STPG2: variants seen among roughly 807,000 people sequenced by gnomAD.
The protein encoded by STPG2 is sperm tail PG-rich repeat containing 2.
A neutral mutation model predicts 54.2 loss-of-function variants in STPG2; 56 were observed. That is an observed-to-expected ratio of 1.03 (90% CI 0.83 to 1.29). STPG2 has a LOEUF of 1.29. Among genes scored for constraint, STPG2 ranks in the 50% most tolerant of loss-of-function variants. The pLI is 0.00. For missense variants in STPG2, 596 were observed against 544.9 expected (o/e 1.09, Z -0.93); for synonymous variants, 200 against 181.8 (o/e 1.10, Z -0.81).
intron 9 of STPG2, among the ~76,000 whole-genome samples, chr4:97,733,255 G>A (rs1037207787): frequency 1.3e-5 from 2 of 152,050 alleles, no homozygotes; most frequent in Non-Finnish European, 2.9e-5. Context: ...AAACTATTCA[G>A]CCACTAAAAG....
At chr4:97,622,603 A>G (rs907909894) in intron 10 of STPG2, among the ~76,000 whole-genome samples, 13 of 152,186 alleles carry the variant, frequency 8.5e-5, no homozygotes, top group Non-Finnish European at 2.9e-5. Context: ...AACACTGCAC[A>G]AAGAAATCAG....
At chr4:97,781,859 G>A (rs937671575) in intron 9 of STPG2, among the ~76,000 whole-genome samples, 4 of 152,046 alleles carry the variant, frequency 2.6e-5, no homozygotes, top group East Asian at 1.9e-4. Flanking sequence ...AGATGCAGAA[G>A]AGGCCTTTGA....
chr4:97,564,321 G>C (rs1460692800), intron 10 of STPG2, among the ~76,000 whole-genome samples: 1 of 152,112 alleles, frequency 6.6e-6, no homozygotes, highest in Non-Finnish European at 1.5e-5. Flanking sequence ...TTGAGCCTAT[G>C]TGTGTCTCTG....
intron 8 of STPG2, among the ~76,000 whole-genome samples, chr4:97,868,881 A>G (rs994434210): frequency 2.6e-5 from 4 of 151,934 alleles, no homozygotes; most frequent in Middle Eastern, 3.2e-3. Flanking sequence ...GGTCATCCTT[A>G]CATTTTTTGT....
chr4:97,670,993 A>G (rs1722678168), intron 10 of STPG2, among the ~76,000 whole-genome samples: 1 of 151,966 alleles, frequency 6.6e-6, no homozygotes, highest in Non-Finnish European at 1.5e-5. Flanking sequence ...GTCTTCTGCT[A>G]CCTCCCACCT....
chr4:97,899,241 A>G (rs1731076719), intron 8 of STPG2, among the ~76,000 whole-genome samples: 1 of 151,968 alleles, frequency 6.6e-6, no homozygotes, highest in South Asian at 2.1e-4. Flanking sequence ...AAAAGAATAA[A>G]ATAACAAGGA....
At chr4:97,952,637 C>T (rs996751517) in intron 7 of STPG2, among the ~76,000 whole-genome samples, 1 of 152,098 alleles carries the variant, frequency 6.6e-6, no homozygotes, top group Non-Finnish European at 1.5e-5. Flanking sequence ...CCTCAAGTCT[C>T]CCAGCATCAG....
intron 5 of STPG2, among the ~76,000 whole-genome samples, chr4:97,983,159 T>C (rs1226312469): frequency 6.6e-6 from 1 of 152,192 alleles, no homozygotes; most frequent in East Asian, 1.9e-4. Flanking sequence ...CCTCCTAGTC[T>C]ATTGAATGTA....
chr4:97,667,663 T>C (rs1479721687), intron 10 of STPG2, among the ~76,000 whole-genome samples: 2 of 152,178 alleles, frequency 1.3e-5, no homozygotes, highest in Admixed American at 1.3e-4. Flanking sequence ...TTACATTTAT[T>C]TGCATCATAT....
intron 3 of STPG2, among the ~76,000 whole-genome samples, chr4:98,114,741 AC>A (rs1056527368): frequency 5.5e-4 from 30 of 55,042 alleles, no homozygotes; most frequent in African/African-American, 2.2e-3. Context: ...TTAAGACCCC[AC>A]AATAATATCC....
At chr4:97,647,353 C>T (rs1721940931) in intron 10 of STPG2, among the ~76,000 whole-genome samples, 1 of 152,100 alleles carries the variant, frequency 6.6e-6, no homozygotes, top group Non-Finnish European at 1.5e-5. Context: ...CTATTAATGC[C>T]TGTGACTTGC....
intron 4 of STPG2, among the ~76,000 whole-genome samples, chr4:97,525,793 T>C (rs1456317825): frequency 1.3e-5 from 2 of 151,910 alleles, no homozygotes; most frequent in African/African-American, 4.8e-5. Context: ...AGTAAATAGA[T>C]CTCGTTGTGG....
intron 9 of STPG2, among the ~76,000 whole-genome samples, chr4:97,717,549 C>T (rs1484208215): frequency 1.3e-5 from 2 of 152,156 alleles, no homozygotes; most frequent in Non-Finnish European, 2.9e-5. Flanking sequence ...TGAAATATCT[C>T]TTCAGACAGC....
At chr4:98,076,817 T>C (rs1016111068) in intron 5 of STPG2, among the ~76,000 whole-genome samples, 11 of 152,222 alleles carry the variant, frequency 7.2e-5, no homozygotes, top group African/African-American at 2.4e-4. Context: ...TTTACATTTT[T>C]AACTAAAAAA....
At chr4:97,844,405 ATTT>A (rs1230736239) in intron 8 of STPG2, among the ~76,000 whole-genome samples, 2 of 151,900 alleles carry the variant, frequency 1.3e-5, no homozygotes, top group African/African-American at 4.8e-5. Context: ...ATCCAGACAT[ATTT>A]TTATTTCATA....
chr4:97,455,324 A>T (rs1729487751), intron 4 of STPG2, among the ~76,000 whole-genome samples: 1 of 152,002 alleles, frequency 6.6e-6, no homozygotes, highest in Non-Finnish European at 1.5e-5. Flanking sequence ...TTGTGTCCAA[A>T]TGTTGCATTT....
intron 8 of STPG2, among the ~76,000 whole-genome samples, chr4:97,878,387 C>CAG (rs1730252841): frequency 1.3e-5 from 2 of 152,182 alleles, no homozygotes; most frequent in African/African-American, 4.8e-5. Flanking sequence ...AGGGCCCCAC[C>CAG]CCTGCAGCAA....
At chr4:97,536,885 T>C (rs1322794939) in intron 4 of STPG2, among the ~76,000 whole-genome samples, 1 of 152,202 alleles carries the variant, frequency 6.6e-6, no homozygotes, top group Admixed American at 6.5e-5. Flanking sequence ...ATGAAGGGTG[T>C]CCTTATTCAA....
intron 10 of STPG2, among the ~76,000 whole-genome samples, chr4:97,628,366 G>T (rs1265839227): frequency 6.6e-6 from 1 of 152,084 alleles, no homozygotes; most frequent in Non-Finnish European, 1.5e-5. Flanking sequence ...ATAAAGCTGT[G>T]CCAGAGTGAA....
Sources: allele counts gnomAD v4.1 joint callset (sites outside exome capture counted in the v4.1 genomes callset), GRCh38; gene constraint gnomAD v4.1.1; transcripts MANE v1.5; gene names NCBI Gene and HGNC (gene_info 2026-07-23, HGNC 2026-07-21).